HSF2BP: variants seen among roughly 807,000 people sequenced by gnomAD.
HSF2BP encodes the protein heat shock transcription factor 2 binding protein.
Under a neutral mutation model 35.0 loss-of-function variants are expected in HSF2BP, and 35 were observed. The observed-to-expected ratio is 1.00, with a 90% CI of 0.76 to 1.32. The LOEUF is 1.32. Among genes scored for constraint, HSF2BP ranks in the 40% most tolerant of loss-of-function variants. The pLI is 0.00. For synonymous variants in HSF2BP, 114 were observed against 117.4 expected (o/e 0.97, Z 0.18); for missense variants, 326 against 321.7 (o/e 1.01, Z -0.10).
intron 4 of HSF2BP, 49 bp downstream of exon 4, chr21:43,644,240 G>A (rs1470880862): frequency 1.4e-6 from 2 of 1,400,562 alleles, no homozygotes; most frequent in Non-Finnish European, 2.0e-6. Context: ...AAGGCTGTAA[G>A]CCAGCCCCAC....
At chr21:43,630,850 A>G (rs1248241336) in intron 5 of HSF2BP, among the ~76,000 whole-genome samples, 1 of 152,236 alleles carries the variant, frequency 6.6e-6, no homozygotes, top group Non-Finnish European at 1.5e-5. Flanking sequence ...AAAACATGTA[A>G]AAGAGGTAAA....
Position 43,644,288 on chromosome 21 carries a change from C to G in HSF2BP, c.291+1G>C. The G allele has an allele frequency of 6.2e-7, 1 of 1,612,050 alleles. No homozygotes were observed. The highest frequency in any genetic ancestry group is 8.5e-7 in the Non-Finnish European group (1 of 1,178,116). ...TGAGAGTCTGTCCCTGAGCATGGTA[C>G]CTTCTTCTCTCTTATGTTGTCGGCC... On this transcript the variant is annotated splice_donor_variant, in intron 4 of 8. Coordinates refer to ENST00000291560, the MANE Select transcript of HSF2BP (RefSeq NM_007031.2). LOFTEE classifies it high-confidence loss of function.
chr21:43,616,948 G>T (rs1380096931), intron 6 of HSF2BP, among the ~76,000 whole-genome samples: 1 of 150,792 alleles, frequency 6.6e-6, no homozygotes. Context: ...AAAGAAAAAA[G>T]GAAAAAAAGG....
intron 7 of HSF2BP, among the ~76,000 whole-genome samples, chr21:43,602,582 C>T (rs1278686768): frequency 2.6e-5 from 4 of 152,144 alleles, no homozygotes; most frequent in Non-Finnish European, 4.4e-5. Flanking sequence ...ACAGTAACTT[C>T]GAGAAACAGG....
rs1568929754 is a variant in HSF2BP, at chr21:43,633,306, C to T, written c.407G>A (p.Ser136Asn). ...AACTLLWGVS[S>N]SEEVVKAILG... Reference sequence around the variant, plus strand: ...AATGGCCTTGACGACTTCCTCACTGCTGGAGACACCCCACAAGAGGGTACA... The same window carrying T: ...AATGGCCTTGACGACTTCCTCACTGTTGGAGACACCCCACAAGAGGGTACA... Residue 136 changes from serine (S) to asparagine (N), a missense_variant, in exon 5 of 9, where the codon AGC (serine) becomes AAC (asparagine). Transcript: ENST00000291560. 3.1e-6 allele frequency: 5 copies of T among 1,614,002 alleles called. No homozygotes were observed. The highest frequency in any genetic ancestry group is 4.2e-6 in the Non-Finnish European group (5 of 1,179,972).
chr21:43,630,501 T>C (rs1441272113), intron 5 of HSF2BP, 47 bp from the exon 6 acceptor site: 2 of 1,567,062 alleles, frequency 1.3e-6, no homozygotes, highest in Non-Finnish European at 1.7e-6. Flanking sequence ...CAGACACTAG[T>C]GTGAAAACAT....
At chr21:43,628,717 C>T (rs1337254929) in intron 6 of HSF2BP, among the ~76,000 whole-genome samples, 1 of 152,232 alleles carries the variant, frequency 6.6e-6, no homozygotes, top group Non-Finnish European at 1.5e-5. Flanking sequence ...CTAGGACTTT[C>T]ACCGCTAGAG....
chr21:43,643,516 C>T (rs2082667190), intron 4 of HSF2BP, among the ~76,000 whole-genome samples: 1 of 152,184 alleles, frequency 6.6e-6, no homozygotes, highest in Admixed American at 6.5e-5. Flanking sequence ...CTCTCTCTTG[C>T]TTTCTCTCAT....
At chr21:43,611,233 A>G (rs1211707079) in intron 7 of HSF2BP, among the ~76,000 whole-genome samples, 2 of 152,234 alleles carry the variant, frequency 1.3e-5, no homozygotes, top group South Asian at 2.1e-4. Flanking sequence ...GTTACAAAGC[A>G]AGACTCTGTC....
At chr21:43,609,087 A>G (rs545632277) in intron 7 of HSF2BP, among the ~76,000 whole-genome samples, 1 of 152,396 alleles carries the variant, frequency 6.6e-6, no homozygotes, top group East Asian at 1.9e-4. Flanking sequence ...AATACTTCGC[A>G]GCCAGAAAGA....
chr21:43,647,417 G>A (rs890579534), intron 3 of HSF2BP, among the ~76,000 whole-genome samples: 1 of 152,034 alleles, frequency 6.6e-6, no homozygotes, highest in Admixed American at 6.5e-5. Context: ...TTTTAGTAGA[G>A]ATGGGGTTTC....
chr21:43,574,493 G>A (rs564912521), intron 8 of HSF2BP, among the ~76,000 whole-genome samples: 2 of 152,178 alleles, frequency 1.3e-5, no homozygotes, highest in Admixed American at 6.5e-5. Context: ...AAGTAGCTGG[G>A]ACTACAGGCA....
At chr21:43,605,251 G>A (rs545190552) in intron 7 of HSF2BP, among the ~76,000 whole-genome samples, 8 of 91,998 alleles carry the variant, frequency 8.7e-5, no homozygotes, top group South Asian at 3.8e-4. Context: ...CACACACCAC[G>A]CACCCACATC....
Position 43,642,795 on chromosome 21 carries a change from C to CT in HSF2BP, c.291+1493dup, listed in dbSNP as rs869086487. ...TGCATTTACTGGAATGGCTTCTTTTCTTTTTTTTTTTTTTTTTTTTTTGAG... is the reference window on the plus strand; with the variant it reads ...TGCATTTACTGGAATGGCTTCTTTTCTTTTTTTTTTTTTTTTTTTTTTTGAG... On this transcript the variant is annotated intron_variant, in intron 4 of 8. Transcript: ENST00000291560. 1.1e-3 allele frequency among the ~76,000 whole-genome samples: 98 copies of CT among 91,984 alleles called. 2 individuals are homozygous for CT. Among genetic ancestry groups the CT allele is most frequent in the Non-Finnish European group, 1.8e-3 (83 of 46,946 alleles). 60.3% of individuals were successfully genotyped at this position (91,984 alleles called of 152,430 possible).
intron 7 of HSF2BP, among the ~76,000 whole-genome samples, chr21:43,598,381 G>GTTT (rs376431039): frequency 4.4e-5 from 4 of 90,812 alleles, no homozygotes; most frequent in Admixed American, 1.3e-4. Context: ...ATTTTTGTGG[G>GTTT]TTTTTTTGTT....
At chr21:43,640,850 T>C (rs2082627232) in intron 4 of HSF2BP, among the ~76,000 whole-genome samples, 1 of 151,036 alleles carries the variant, frequency 6.6e-6, no homozygotes, top group African/African-American at 2.4e-5. Context: ...AACTATACAA[T>C]TACAATGCAA....
At chr21:43,578,818 G>A (rs558301081) in intron 8 of HSF2BP, among the ~76,000 whole-genome samples, 1 of 152,170 alleles carries the variant, frequency 6.6e-6, no homozygotes, top group African/African-American at 2.4e-5. Flanking sequence ...GGCTGTCCAG[G>A]GCCATGGCTG....
chr21:43,617,899 A>G (rs2082289246), intron 6 of HSF2BP, among the ~76,000 whole-genome samples: 2 of 152,128 alleles, frequency 1.3e-5, no homozygotes, highest in African/African-American at 4.8e-5. Flanking sequence ...GGCTGCAGTG[A>G]GCTGAGATGG....
rs563540244 is a variant in HSF2BP at position 43,580,526 on chromosome 21, T to C, written c.796+11699A>G. ...TTAATCAAAGAAAACAGTCCCAGCA[T>C]TCTCTTGTGGAAAGGCTGACACCTT... On this transcript the variant is annotated intron_variant, in intron 8 of 8. Coordinates refer to ENST00000291560, the MANE Select transcript of HSF2BP (RefSeq NM_007031.2). Among the ~76,000 whole-genome samples the C allele has an allele frequency of 2.0e-5, 3 of 152,368 alleles. No homozygotes were observed. In the South Asian group the frequency reaches 6.2e-4, roughly 32 times the overall value.
Sources: gnomAD v4.1 joint callset for allele counts (sites outside exome capture counted in the v4.1 genomes callset) on GRCh38, gnomAD v4.1.1 for gene constraint, MANE v1.5 for transcripts, NCBI Gene and HGNC (gene_info 2026-07-23, HGNC 2026-07-21) for gene names.